CSMD1: variants seen among roughly 807,000 people sequenced by gnomAD.
CSMD1 encodes the protein CUB and sushi domain-containing protein 1.
A neutral mutation model predicts 417.5 loss-of-function variants in CSMD1; 213 were observed. That is an observed-to-expected ratio of 0.51 (90% confidence interval 0.46 to 0.57). The LOEUF (loss-of-function observed/expected upper bound fraction) is 0.57, where lower values mean the gene tolerates loss of function less well. CSMD1 is among the 20% of genes least tolerant of loss of function. The pLI, the probability that CSMD1 is intolerant of heterozygous loss-of-function variation, is 0.00. For synonymous variants in CSMD1, 2,862 were observed against 1,736.8 expected (o/e 1.65, Z -16.11); for missense variants, 6,923 against 4,529.7 (o/e 1.53, Z -15.17).
intron 22 of CSMD1, 77 bp from the exon 23 acceptor site, chr8:3,343,527 A>T (rs1312616097): frequency 7.6e-7 from 1 of 1,307,268 alleles, no homozygotes; most frequent in Non-Finnish European, 1.1e-6. Context: ...AAACAATCCA[A>T]ATCTTCAAAG....
At chr8:4,465,028 G>GA (rs1800077730) in intron 2 of CSMD1, among the ~76,000 whole-genome samples, 1 of 151,938 alleles carries the variant, frequency 6.6e-6, no homozygotes, top group Non-Finnish European at 1.5e-5. Flanking sequence ...GAAGAAAATA[G>GA]GAAAAAAGGG....
chr8:4,348,192 T>C (rs773006310), intron 3 of CSMD1, among the ~76,000 whole-genome samples: 8 of 152,128 alleles, frequency 5.3e-5, no homozygotes, highest in Admixed American at 1.3e-4. Context: ...GGATATGGCA[T>C]TGTGCTGGGA....
chr8:4,237,977 G>A (rs1197116369), intron 3 of CSMD1, among the ~76,000 whole-genome samples: 3 of 152,176 alleles, frequency 2.0e-5, no homozygotes, highest in Non-Finnish European at 2.9e-5. Context: ...TTGGCTCAGG[G>A]TGACAGAGGC....
intron 5 of CSMD1, among the ~76,000 whole-genome samples, chr8:3,908,556 C>G (rs752336186): frequency 2.6e-5 from 4 of 152,136 alleles, no homozygotes; most frequent in Non-Finnish European, 4.4e-5. Flanking sequence ...ACTTTTGTAG[C>G]TATGGAGCTC....
intron 3 of CSMD1, among the ~76,000 whole-genome samples, chr8:4,331,681 G>C (rs550025079): frequency 6.6e-6 from 1 of 152,122 alleles, no homozygotes; most frequent in Non-Finnish European, 1.5e-5. Flanking sequence ...AGAGGCCCCA[G>C]TTAGGTCATT....
In CSMD1 at chr8:4,972,118, G is replaced by A. The variant is rs564624808; in HGVS notation, c.85+22214C>T. On this transcript the variant is annotated intron_variant, in intron 1 of 69. Transcript: ENST00000635120. Reference sequence around the variant, plus strand: ...TCAAGCCTATCTGATAAAAGAAAGAGTAATATCGTTATACGCTGCCCCTGT... The same window carrying A: ...TCAAGCCTATCTGATAAAAGAAAGAATAATATCGTTATACGCTGCCCCTGT... Among the ~76,000 whole-genome samples, 4 of 152,220 alleles carry A rather than the reference G, an allele frequency of 2.6e-5. 1 individual carries two copies. The highest frequency in any genetic ancestry group is 9.6e-5 in the African/African-American group (4 of 41,548).
chr8:3,880,465 T>C (rs920680580), intron 5 of CSMD1, among the ~76,000 whole-genome samples: 2 of 152,218 alleles, frequency 1.3e-5, no homozygotes, highest in Non-Finnish European at 2.9e-5. Context: ...TCTTGAGATA[T>C]CTCGCTGCTT....
intron 1 of CSMD1, among the ~76,000 whole-genome samples, chr8:4,733,717 A>G (rs1272597600): frequency 6.6e-6 from 1 of 152,232 alleles, no homozygotes; most frequent in Non-Finnish European, 1.5e-5. Context: ...GACTTAACAA[A>G]GAAGTATGTA....
intron 5 of CSMD1, among the ~76,000 whole-genome samples, chr8:3,934,734 C>T (rs1161686859): frequency 6.6e-6 from 1 of 151,956 alleles, no homozygotes; most frequent in Non-Finnish European, 1.5e-5. Context: ...GCACTCCCAG[C>T]TACTCGGGAG....
At chr8:4,925,215 G>GTTTTTTTTTTTTTTTTTTTTT (rs10692207) in intron 1 of CSMD1, among the ~76,000 whole-genome samples, 3 of 72,734 alleles carry the variant, frequency 4.1e-5, no homozygotes, top group African/African-American at 1.1e-4. Flanking sequence ...CAGTTTTATG[G>GTTTTTTTTTTTTTTTTTTTTT]TTTTTTTTTT....
intron 10 of CSMD1, among the ~76,000 whole-genome samples, chr8:3,565,621 A>C (rs1799673261): frequency 1.3e-5 from 2 of 152,220 alleles, no homozygotes; most frequent in Non-Finnish European, 2.9e-5. Flanking sequence ...TTCTTTAAAA[A>C]AACCATTGAA....
At chr8:3,819,132 G>C (rs1214769044) in intron 5 of CSMD1, among the ~76,000 whole-genome samples, 1 of 152,160 alleles carries the variant, frequency 6.6e-6, no homozygotes, top group Non-Finnish European at 1.5e-5. Context: ...AGATTTGCTG[G>C]TCTAGCAGGC....
intron 9 of CSMD1, among the ~76,000 whole-genome samples, chr8:3,578,410 C>T (rs371949875): frequency 1.7e-4 from 26 of 152,106 alleles, no homozygotes; most frequent in African/African-American, 6.3e-4. Context: ...CAGCAGCCTG[C>T]GAGGCAGGAA....
intron 3 of CSMD1, among the ~76,000 whole-genome samples, chr8:4,074,455 T>C (rs979237546): frequency 6.6e-6 from 1 of 152,142 alleles, no homozygotes; most frequent in Non-Finnish European, 1.5e-5. Flanking sequence ...AGAGAAGCAT[T>C]TGTCCATAAA....
chr8:3,598,695 G>T (rs750266243), intron 8 of CSMD1, among the ~76,000 whole-genome samples: 1 of 152,140 alleles, frequency 6.6e-6, no homozygotes, highest in Non-Finnish European at 1.5e-5. Flanking sequence ...GGGTTGCCTT[G>T]GATGCTAAAA....
chr8:4,450,126 C>G (rs1274856084), intron 2 of CSMD1, among the ~76,000 whole-genome samples: 2 of 152,084 alleles, frequency 1.3e-5, no homozygotes, highest in African/African-American at 2.4e-5. Flanking sequence ...ACTTCTTTGT[C>G]CATTGTTTTC....
intron 3 of CSMD1, among the ~76,000 whole-genome samples, chr8:4,381,127 G>A (rs1282983209): frequency 6.6e-6 from 1 of 152,156 alleles, no homozygotes; most frequent in East Asian, 1.9e-4. Context: ...CTAATAAAAT[G>A]TCAGTGACTT....
chr8:4,095,760 C>G (rs17068944), intron 3 of CSMD1, among the ~76,000 whole-genome samples: 33,939 of 152,150 alleles, frequency 0.22, 4,700 homozygotes, highest in African/African-American at 0.38. Flanking sequence ...CTACATAGTC[C>G]TATTACGTGA....
chr8:3,111,901 G>A (rs949741616), intron 42 of CSMD1, among the ~76,000 whole-genome samples: 1 of 152,002 alleles, frequency 6.6e-6, no homozygotes, highest in Non-Finnish European at 1.5e-5. Flanking sequence ...TCTCCTGTTG[G>A]CAGTGCACTT....
Sources: allele counts gnomAD v4.1 joint callset (sites outside exome capture counted in the v4.1 genomes callset), GRCh38; gene constraint gnomAD v4.1.1; transcripts MANE v1.5; gene names NCBI Gene and HGNC (gene_info 2026-07-23, HGNC 2026-07-21).